The following AMZ2 variants were observed in gnomAD, a reference collection of about 807,000 sequenced individuals.
AMZ2 encodes the protein archaelysin family metallopeptidase 2.
AMZ2 carries 26 observed loss-of-function variants against 36.7 expected under a neutral mutation model. That is an observed-to-expected ratio of 0.71 (90% CI 0.52 to 0.98). The LOEUF (loss-of-function observed/expected upper bound fraction) is 0.98, where lower values mean the gene tolerates loss of function less well. Ranked by LOEUF, AMZ2 falls within the 50% of genes least tolerant of loss-of-function variation. The pLI is 0.00. For synonymous variants in AMZ2, 144 were observed against 149.1 expected, an observed-to-expected ratio of 0.97 and a Z score of 0.25; for missense variants, 394 against 430.5, an observed-to-expected ratio of 0.92 and a Z score of 0.75.
At chr17:68,254,061 A>G (rs2074708085) in intron 4 of AMZ2, among the ~76,000 whole-genome samples, 1 of 152,082 alleles carries the variant, frequency 6.6e-6, no homozygotes, top group South Asian at 2.1e-4. Context: ...GTTATTTTTT[A>G]TGATTCCTTT....
chr17:68,206,420 G>C (rs1393492526), intron 1 of AMZ2: 1 of 457,964 alleles, frequency 2.2e-6, no homozygotes, highest in Non-Finnish European at 3.2e-6. Context: ...GGAAAGAGGC[G>C]CATTGTTAAA....
intron 6 of AMZ2, 85 bp downstream of exon 6, chr17:68,255,961 G>A: frequency 1.5e-6 from 2 of 1,359,018 alleles, no homozygotes; most frequent in South Asian, 1.5e-5. Context: ...CTTCTCTGGA[G>A]TTATAATTTA....
chr17:68,217,898 C>T (rs556457450), intron 1 of AMZ2, among the ~76,000 whole-genome samples: 1 of 151,248 alleles, frequency 6.6e-6, no homozygotes, highest in East Asian at 1.9e-4. Context: ...CTGCAAGCTC[C>T]ACCTCCCGGG....
chr17:68,208,304 T>C (rs1260378515), intron 1 of AMZ2, among the ~76,000 whole-genome samples: 3 of 152,174 alleles, frequency 2.0e-5, no homozygotes, highest in Non-Finnish European at 4.4e-5. Flanking sequence ...TTGAAGAACC[T>C]TTATGTCTAT....
chr17:68,256,759 C>T, intron 6 of AMZ2, 55 bp from the exon 7 acceptor site: 1 of 1,573,862 alleles, frequency 6.4e-7, no homozygotes, highest in East Asian at 2.3e-5. Flanking sequence ...TTCTCTCTTG[C>T]CTGATGGTAT....
intron 1 of AMZ2, among the ~76,000 whole-genome samples, chr17:68,208,594 C>G (rs1555724993): frequency 1.3e-5 from 2 of 152,162 alleles, no homozygotes; most frequent in Non-Finnish European, 2.9e-5. Context: ...GCAGGCTGCC[C>G]CAGCCAGCAG....
chr17:68,210,958 G>C (rs80198570), intron 1 of AMZ2, among the ~76,000 whole-genome samples: 1 of 53,032 alleles, frequency 1.9e-5, no homozygotes, highest in African/African-American at 8.6e-5. Flanking sequence ...CAAAAAAAAA[G>C]GGGGGGGGGG....
At chr17:68,240,289 A>G (rs1384100346) in intron 1 of AMZ2, among the ~76,000 whole-genome samples, 2 of 152,206 alleles carry the variant, frequency 1.3e-5, no homozygotes, top group Non-Finnish European at 2.9e-5. Context: ...ATACTATCAC[A>G]TTGGGGGTAA....
intron 4 of AMZ2, among the ~76,000 whole-genome samples, chr17:68,252,992 T>G (rs1447233438): frequency 1.3e-5 from 2 of 152,228 alleles, no homozygotes; most frequent in Non-Finnish European, 2.9e-5. Flanking sequence ...CATAGGAAAG[T>G]AGCAGGATTA....
At chr17:68,208,997 A>G (rs1444689360) in intron 1 of AMZ2, among the ~76,000 whole-genome samples, 1 of 152,176 alleles carries the variant, frequency 6.6e-6, no homozygotes, top group Non-Finnish European at 1.5e-5. Context: ...TCTTGAAGTT[A>G]GTGAGACCAG....
At chr17:68,249,684 T>A in intron 1 of AMZ2, 1 of 153,584 alleles carries the variant, frequency 6.5e-6, no homozygotes, top group Admixed American at 6.5e-5. Flanking sequence ...TTTTGGACTC[T>A]TGCCCAGGCT....
At chr17:68,238,095 G>A (rs1367451069) in intron 1 of AMZ2, among the ~76,000 whole-genome samples, 1 of 152,166 alleles carries the variant, frequency 6.6e-6, no homozygotes, top group Admixed American at 6.5e-5. Flanking sequence ...TACAGTGCAG[G>A]AGACCATGCT....
intron 1 of AMZ2, among the ~76,000 whole-genome samples, chr17:68,239,430 CA>C (rs1250452576): frequency 6.6e-6 from 1 of 152,172 alleles, no homozygotes; most frequent in Non-Finnish European, 1.5e-5. Flanking sequence ...AGGGGAAAAG[CA>C]AAAGGAGCAG....
Position 68,256,900 on chromosome 17 carries a change from G to A in AMZ2, c.1014G>A (p.Pro338=), listed in dbSNP as rs1168258831. 35 of 1,613,998 alleles carry A rather than the reference G, an allele frequency of 2.2e-5. No homozygotes were observed. The East Asian group carries it at 6.7e-4, about 31-fold the overall frequency. The part of the protein sequence containing the change: ...EHSHEDNGNL[P]KPVEAFKEWK... ...GTCACGAGGATAATGGGAATTTACC[G>A]AAACCCGTGGAAGCCTTTAAGGAAT... The change falls in exon 7 of 7, where the codon CCG becomes CCA. Residue 338 remains proline (P), a synonymous_variant. Transcript: ENST00000359904.
chr17:68,250,778 TTC>T lies in AMZ2; in HGVS notation c.284-14_284-13del, dbSNP rs1220364055. On this transcript the variant is annotated splice_polypyrimidine_tract_variant and intron_variant, in intron 2 of 6. Coordinates refer to ENST00000359904, the MANE Select transcript of AMZ2 (RefSeq NM_016627.5). The stretch of plus-strand genomic sequence containing the variant: ...TCATCTTAAAGTCTGTTTTTAAATG[TTC>T]TTCCATATTGTAGGCTCTCTAGGAA... The T allele has an allele frequency of 5.8e-6, 9 of 1,547,000 alleles. No homozygotes were observed. The highest frequency in any genetic ancestry group is 2.8e-5 in the African/African-American group (2 of 71,708).
chr17:68,226,811 T>A (rs2073527247), intron 1 of AMZ2, among the ~76,000 whole-genome samples: 1 of 151,944 alleles, frequency 6.6e-6, no homozygotes, highest in African/African-American at 2.4e-5. Flanking sequence ...AAATGTACTC[T>A]GTGTGCTGGG....
At chr17:68,220,041 T>C in intron 1 of AMZ2, among the ~76,000 whole-genome samples, 1 of 152,206 alleles carries the variant, frequency 6.6e-6, no homozygotes, top group Non-Finnish European at 1.5e-5. Flanking sequence ...GTATGGAGAC[T>C]GGCTCTCCAG....
intron 1 of AMZ2, among the ~76,000 whole-genome samples, chr17:68,221,293 G>A (rs1344376848): frequency 2.8e-5 from 4 of 144,802 alleles, no homozygotes; most frequent in African/African-American, 1.0e-4. Flanking sequence ...GTAGAGTCAG[G>A]GTCTCACTGT....
In AMZ2 at chr17:68,255,850, G is replaced by C. The variant is rs1555742631; in HGVS notation, c.901G>C (p.Gly301Arg). 1 of 1,614,078 alleles carries C rather than the reference G, an allele frequency of 6.2e-7. No homozygotes were observed. Among genetic ancestry groups the C allele is most frequent in the Admixed American group, 1.7e-5 (1 of 60,014 alleles). The change falls in exon 6 of 7, where the codon GGC becomes CGC. Residue 301 changes from glycine (G) to arginine (R), a missense_variant. Gly to Arg is a moderately radical substitution (Grantham distance 125). Coordinates refer to ENST00000359904, the MANE Select transcript of AMZ2 (RefSeq NM_016627.5). ...ICLHKLQCAV[G>R]FSIVERYKAL... ...TTTGCACAAGTTGCAGTGTGCTGTT[G>C]GCTTCAGCATTGTAGAAAGATACAA...
Sources: allele counts gnomAD v4.1 joint callset (sites outside exome capture counted in the v4.1 genomes callset), GRCh38; gene constraint gnomAD v4.1.1; transcripts MANE v1.5; gene names NCBI Gene and HGNC (gene_info 2026-07-23, HGNC 2026-07-21).